The following EEFSEC variants were observed in gnomAD, a reference collection of about 807,000 sequenced individuals.
EEFSEC encodes eukaryotic elongation factor, selenocysteine-tRNA specific.
A neutral mutation model predicts 42.1 loss-of-function variants in EEFSEC; 43 were observed. The ratio of observed to expected loss-of-function variants is 1.02; its 90% confidence interval spans 0.80 to 1.32. EEFSEC has a LOEUF of 1.32. Ranked by LOEUF, EEFSEC falls within the 40% of genes most tolerant of loss-of-function variation. EEFSEC has a pLI of 0.00. For synonymous variants in EEFSEC, 354 were observed against 339.1 expected (o/e 1.04, Z -0.48); for missense variants, 745 against 803.6 (o/e 0.93, Z 0.88).
At chr3:128,253,220 C>T (rs1262465440) in intron 2 of EEFSEC, among the ~76,000 whole-genome samples, 2 of 152,188 alleles carry the variant, frequency 1.3e-5, no homozygotes, top group Non-Finnish European at 2.9e-5. Flanking sequence ...TCTGGAATTC[C>T]CCATGCACGT....
intron 1 of EEFSEC, among the ~76,000 whole-genome samples, chr3:128,160,679 G>A (rs184279176): frequency 7.2e-5 from 11 of 152,250 alleles, no homozygotes; most frequent in Non-Finnish European, 8.8e-5. Flanking sequence ...GACCCCCTGT[G>A]GAATATGTTA....
intron 6 of EEFSEC, among the ~76,000 whole-genome samples, chr3:128,387,075 C>A (rs1292487682): frequency 2.6e-5 from 4 of 152,246 alleles, no homozygotes; most frequent in Non-Finnish European, 5.9e-5. Context: ...GGACAACTTG[C>A]CTGGTGGCGC....
chr3:128,250,913 T>G (rs1357523060), intron 2 of EEFSEC, among the ~76,000 whole-genome samples: 1 of 147,296 alleles, frequency 6.8e-6, no homozygotes, highest in African/African-American at 2.5e-5. Context: ...TTTTTTTGGT[T>G]TTTTTTTTTT....
intron 4 of EEFSEC, among the ~76,000 whole-genome samples, chr3:128,339,301 T>C (rs1005590449): frequency 2.0e-5 from 3 of 152,174 alleles, no homozygotes; most frequent in African/African-American, 7.2e-5. Flanking sequence ...TCATGGGCCA[T>C]TAGCAACACA....
chr3:128,255,388 G>C (rs904023118), intron 2 of EEFSEC, among the ~76,000 whole-genome samples: 1 of 152,204 alleles, frequency 6.6e-6, no homozygotes, highest in African/African-American at 2.4e-5. Context: ...TGCAAGGGAA[G>C]AGCACTGAGT....
chr3:128,271,956 A>C (rs774108176), intron 4 of EEFSEC, among the ~76,000 whole-genome samples: 9 of 152,168 alleles, frequency 5.9e-5, no homozygotes, highest in Admixed American at 6.5e-5. Context: ...TTAAAGCCTC[A>C]TAAGACCTCC....
chr3:128,319,017 G>A (rs999193626), intron 4 of EEFSEC, among the ~76,000 whole-genome samples: 19 of 152,326 alleles, frequency 1.2e-4, no homozygotes, highest in African/African-American at 4.6e-4. Flanking sequence ...CAGACAGGGT[G>A]CAACACATGA....
intron 1 of EEFSEC, among the ~76,000 whole-genome samples, chr3:128,234,447 C>T (rs555739488): frequency 6.6e-6 from 1 of 152,308 alleles, no homozygotes; most frequent in East Asian, 1.9e-4. Flanking sequence ...ATGCCCATCA[C>T]CCTTGAGTCA....
intron 4 of EEFSEC, among the ~76,000 whole-genome samples, chr3:128,284,159 A>G (rs1294941124): frequency 6.6e-6 from 1 of 152,192 alleles, no homozygotes; most frequent in Admixed American, 6.5e-5. Context: ...TCCTCTTTCA[A>G]TAATGAAGAT....
chr3:128,187,845 A>G (rs891170608), intron 1 of EEFSEC, among the ~76,000 whole-genome samples: 1 of 152,212 alleles, frequency 6.6e-6, no homozygotes, highest in African/African-American at 2.4e-5. Context: ...CCTGGTAGCA[A>G]TGAGAGATTC....
chr3:128,295,594 C>CT (rs543376332), intron 4 of EEFSEC, among the ~76,000 whole-genome samples: 3,553 of 131,560 alleles, frequency 0.027, 65 homozygotes, highest in Middle Eastern at 0.062. Context: ...ATTGAGGCTC[C>CT]TTTTTTTTTT....
chr3:128,341,200 G>T (rs753082206), intron 4 of EEFSEC, 33 bp from the exon 5 acceptor site: 2 of 1,564,844 alleles, frequency 1.3e-6, no homozygotes, highest in South Asian at 2.4e-5. Context: ...AGGCTTGTTG[G>T]TTTCATGTGC....
At chr3:128,291,735 T>C (rs1003202007) in intron 4 of EEFSEC, among the ~76,000 whole-genome samples, 9 of 152,372 alleles carry the variant, frequency 5.9e-5, no homozygotes, top group African/African-American at 1.9e-4. Context: ...CAAACAGTTA[T>C]GATATCTGGA....
intron 6 of EEFSEC, among the ~76,000 whole-genome samples, chr3:128,385,337 G>A (rs1440796808): frequency 6.6e-6 from 1 of 152,220 alleles, no homozygotes; most frequent in Non-Finnish European, 1.5e-5. Context: ...GTGGTGTACA[G>A]GGACCATACA....
intron 1 of EEFSEC, among the ~76,000 whole-genome samples, chr3:128,222,790 A>G (rs2065873688): frequency 6.6e-6 from 1 of 152,276 alleles, no homozygotes; most frequent in African/African-American, 2.4e-5. Context: ...ACAGGAATAT[A>G]TGAACATTTT....
At chr3:128,223,764 C>T (rs2065882596) in intron 1 of EEFSEC, among the ~76,000 whole-genome samples, 1 of 152,160 alleles carries the variant, frequency 6.6e-6, no homozygotes, top group Non-Finnish European at 1.5e-5. Flanking sequence ...CATAGGATGT[C>T]CATGAGCATG....
intron 6 of EEFSEC, among the ~76,000 whole-genome samples, chr3:128,387,489 A>T (rs538786256): frequency 1.8e-4 from 27 of 152,034 alleles, no homozygotes; most frequent in Non-Finnish European, 3.8e-4. Flanking sequence ...GGCGTCGAAG[A>T]GTTTTGATGC....
At chr3:128,198,292 C>T (rs1266969084) in intron 1 of EEFSEC, among the ~76,000 whole-genome samples, 1 of 152,210 alleles carries the variant, frequency 6.6e-6, no homozygotes, top group African/African-American at 2.4e-5. Context: ...TAGACTTGTA[C>T]CGTTTCTGAG....
the EEFSEC span, among the ~76,000 whole-genome samples, chr3:128,417,649 C>T: frequency 2.0e-5 from 3 of 152,112 alleles, no homozygotes; most frequent in Non-Finnish European, 4.4e-5. The surrounding 1 kb of genome is among the most constrained non-coding windows in gnomAD (Gnocchi z 4.3). Context: ...AGGCAGAGCA[C>T]CCAGCACATG....
Sources: allele counts gnomAD v4.1 joint callset (sites outside exome capture counted in the v4.1 genomes callset), GRCh38; gene constraint gnomAD v4.1.1; non-coding constraint Gnocchi (gnomAD v3.1); transcripts MANE v1.5; gene names NCBI Gene and HGNC (gene_info 2026-07-23, HGNC 2026-07-21).